The following MTBP variants were observed in gnomAD, a reference collection of about 807,000 sequenced individuals.
MTBP encodes the protein mdm2-binding protein.
Under a neutral mutation model 117.0 loss-of-function variants are expected in MTBP, and 101 were observed. The observed-to-expected ratio is 0.86, with a 90% CI of 0.73 to 1.02. MTBP has a LOEUF of 1.02. MTBP is among the 50% of genes least tolerant of loss of function. The pLI is 0.00. For missense variants in MTBP, 970 were observed against 1,030.9 expected, an observed-to-expected ratio of 0.94 and a Z score of 0.81; for synonymous variants, 350 against 351.5, an observed-to-expected ratio of 1.00 and a Z score of 0.05.
chr8:120,507,228 C>G (rs1814706027), intron 16 of MTBP, among the ~76,000 whole-genome samples: 1 of 152,026 alleles, frequency 6.6e-6, no homozygotes, highest in African/African-American at 2.4e-5. Context: ...ATTGCCACTA[C>G]TCAGCATGAG....
chr8:120,469,762 GT>G (rs1813778969), intron 10 of MTBP, among the ~76,000 whole-genome samples: 1 of 152,150 alleles, frequency 6.6e-6, no homozygotes, highest in African/African-American at 2.4e-5. Flanking sequence ...TTAAAATGAT[GT>G]ATAACATAAC....
At chr8:120,500,721 A>T (rs1814565913) in intron 14 of MTBP, among the ~76,000 whole-genome samples, 1 of 152,242 alleles carries the variant, frequency 6.6e-6, no homozygotes, top group Admixed American at 6.5e-5. Flanking sequence ...GGAAAATAAG[A>T]TGCAGTTTGC....
In MTBP at chr8:120,510,341, A is replaced by G. The variant is rs139089166; in HGVS notation, c.1979+312A>G. Among the ~76,000 whole-genome samples the G allele has an allele frequency of 1.4e-3, 219 of 152,264 alleles. 3 individuals are homozygous for G. Among genetic ancestry groups the G allele is most frequent in the South Asian group, 7.5e-3 (36 of 4,830 alleles). ...TCACATTAATATTTCCTGGTCACCA[A>G]TTACATTGTAGTTGCTCAGAAATTG... On this transcript the variant is annotated intron_variant, in intron 17 of 21. Transcript: ENST00000305949.
In MTBP at chr8:120,487,755, G is replaced by A. The variant is rs577770942; in HGVS notation, c.1166-404G>A. On this transcript the variant is annotated intron_variant, in intron 11 of 21. Transcript: ENST00000305949. ...GCAAGAAGCAAAAAGGGCAAGAAGCGAAAAGCTTCCCAGCTCCCAAGTATA... is the reference window on the plus strand; with the variant it reads ...GCAAGAAGCAAAAAGGGCAAGAAGCAAAAAGCTTCCCAGCTCCCAAGTATA... 2.5e-4 allele frequency among the ~76,000 whole-genome samples: 38 copies of A among 152,298 alleles called. No homozygotes were observed. In the East Asian group the frequency reaches 6.2e-3, roughly 25 times the overall value.
At chr8:120,448,424 TTATC>T (rs781310874) in intron 2 of MTBP, among the ~76,000 whole-genome samples, 2 of 152,220 alleles carry the variant, frequency 1.3e-5, no homozygotes, top group Non-Finnish European at 2.9e-5. Context: ...TGGTGTTTCT[TTATC>T]TCTCTCTTTT....
At chr8:120,459,065 C>A in intron 7 of MTBP, 150 bp from the exon 8 acceptor site, 1 of 622,980 alleles carries the variant, frequency 1.6e-6, no homozygotes, top group Non-Finnish European at 2.6e-6. Flanking sequence ...GGATGTGTAC[C>A]TAAATGTGAG....
At chr8:120,453,051 A>G (rs1813392387) in intron 4 of MTBP, among the ~76,000 whole-genome samples, 1 of 152,188 alleles carries the variant, frequency 6.6e-6, no homozygotes, top group African/African-American at 2.4e-5. Context: ...TAAGTTTTGA[A>G]GAATCTGAAG....
intron 1 of MTBP, 124 bp from the exon 2 acceptor site, chr8:120,446,309 T>C (rs1813225991): frequency 1.5e-6 from 1 of 653,374 alleles, no homozygotes; most frequent in Non-Finnish European, 2.7e-6. Flanking sequence ...GAACAGATCT[T>C]GAGCAGCGTT....
intron 2 of MTBP, 82 bp downstream of exon 2, chr8:120,446,595 C>T: frequency 5.9e-6 from 5 of 844,748 alleles, no homozygotes; most frequent in Non-Finnish European, 1.0e-5. Context: ...CTAAGGAGTA[C>T]AAGGAAATAC....
At chr8:120,468,515 A>C (rs1254717038) in intron 10 of MTBP, among the ~76,000 whole-genome samples, 1 of 152,166 alleles carries the variant, frequency 6.6e-6, no homozygotes, top group African/African-American at 2.4e-5. Context: ...TCCCTGCAAA[A>C]AGTTGTTGAG....
At chr8:120,446,879 T>TTATTTCTGTTCTTAATTACC (rs1426245186) in intron 2 of MTBP, among the ~76,000 whole-genome samples, 2 of 152,194 alleles carry the variant, frequency 1.3e-5, no homozygotes, top group Admixed American at 6.5e-5. Flanking sequence ...ATTTATTTAT[T>TTATTTCTGTTCTTAATTACC]TATTTCTGTT....
At chr8:120,511,739 A>T (rs1814814229) in intron 17 of MTBP, among the ~76,000 whole-genome samples, 1 of 152,206 alleles carries the variant, frequency 6.6e-6, no homozygotes, top group South Asian at 2.1e-4. Flanking sequence ...TAAACATTAT[A>T]GAAAAGTTTA....
In MTBP at chr8:120,518,684, T is replaced by G; in HGVS notation, c.2497-20T>G. ...TGCCTTTTCCAAGAAATATTCGTCATATGTTATGTTCTGTTCAAGATACTG... is the reference window on the plus strand; with the variant it reads ...TGCCTTTTCCAAGAAATATTCGTCAGATGTTATGTTCTGTTCAAGATACTG... On this transcript the variant is annotated intron_variant, in intron 19 of 21. Transcript: ENST00000305949. 6.7e-7 allele frequency: 1 copy of G among 1,489,042 alleles called. No homozygotes were observed. Among genetic ancestry groups the G allele is most frequent in the Non-Finnish European group, 9.2e-7 (1 of 1,084,284 alleles). The allele number at this position is 1,489,042 out of a possible 1,614,324, so 92.2% of individuals were successfully genotyped here.
At chr8:120,448,960 G>A (rs1039428138) in intron 2 of MTBP, among the ~76,000 whole-genome samples, 10 of 152,160 alleles carry the variant, frequency 6.6e-5, no homozygotes, top group African/African-American at 2.4e-4. Context: ...AGGGTGTTTG[G>A]ATTTTTTCCT....
Position 120,455,441 on chromosome 8 carries a change from C to A in MTBP, c.491C>A (p.Ala164Glu). The A allele has an allele frequency of 6.3e-7, 1 of 1,593,898 alleles. No individual in the cohort carries two copies. Among genetic ancestry groups the A allele is most frequent in the Non-Finnish European group, 8.5e-7 (1 of 1,171,358 alleles). Residue 164 changes from alanine to glutamate, a missense_variant, in exon 6 of 22, where the codon GCA becomes GAA. Coordinates refer to ENST00000305949, the MANE Select transcript of MTBP (RefSeq NM_022045.5). ...TGCCTTTTTCTCTTTCTAGGTAGAG[C>A]AATGGTAGATATAATACTGTTGCTT... ...LSDKLPAPGR[A>E]MVDIILLLSD...
intron 13 of MTBP, among the ~76,000 whole-genome samples, chr8:120,494,232 G>A (rs544172620): frequency 9.9e-5 from 15 of 152,268 alleles, no homozygotes; most frequent in African/African-American, 3.4e-4. Context: ...TTAATCCTCT[G>A]TGTCTAAGGA....
At chr8:120,447,932 T>TG (rs1813261960) in intron 2 of MTBP, among the ~76,000 whole-genome samples, 1 of 151,744 alleles carries the variant, frequency 6.6e-6, no homozygotes, top group Admixed American at 6.6e-5. Context: ...TTCGATTTTT[T>TG]TTTTCTTTTT....
intron 3 of MTBP, 30 bp from the exon 4 acceptor site, chr8:120,451,141 A>G (rs777369487): frequency 6.3e-7 from 1 of 1,585,380 alleles, no homozygotes; most frequent in Non-Finnish European, 8.6e-7. Context: ...TTCATGATCC[A>G]TTATTTAATA....
At chr8:120,445,652 TGATC>T in intron 1 of MTBP, 64 bp downstream of exon 1, 1 of 1,345,062 alleles carries the variant, frequency 7.4e-7, no homozygotes, top group Middle Eastern at 1.9e-4. Context: ...TTGAGTTTTG[TGATC>T]AAGTTCTGCT....
Sources: gnomAD v4.1 joint callset for allele counts (sites outside exome capture counted in the v4.1 genomes callset) on GRCh38, gnomAD v4.1.1 for gene constraint, MANE v1.5 for transcripts, NCBI Gene and HGNC (gene_info 2026-07-23, HGNC 2026-07-21) for gene names.